CHP1: variants seen among roughly 807,000 people sequenced by gnomAD.
CHP1 encodes calcineurin B homologous protein 1.
In CHP1, 11 loss-of-function variants were observed where a neutral mutation model predicts 27.4. The observed-to-expected ratio is 0.40, with a 90% CI of 0.25 to 0.67. The LOEUF is 0.67. Among genes scored for constraint, CHP1 ranks in the 30% least tolerant of loss-of-function variants. CHP1 has a pLI of 0.38. For synonymous variants in CHP1, 89 were observed against 87.4 expected (o/e 1.02, Z -0.10); for missense variants, 169 against 251.3 (o/e 0.67, Z 2.22).
chr15:41,274,790 G>GTTTTTTT (rs34053067), intron 5 of CHP1, among the ~76,000 whole-genome samples: 7 of 120,716 alleles, frequency 5.8e-5, no homozygotes, highest in African/African-American at 6.2e-5. Context: ...CATTGTCTTT[G>GTTTTTTT]TTTTTTTTTT....
At chr15:41,237,495 TTTTG>T (rs1307816527) in intron 1 of CHP1, among the ~76,000 whole-genome samples, 3 of 152,182 alleles carry the variant, frequency 2.0e-5, no homozygotes, top group Non-Finnish European at 2.9e-5. Context: ...AGAAGATAGA[TTTTG>T]TTTGTTTTAT....
At chr15:41,245,648 C>A (rs2047331022) in intron 2 of CHP1, among the ~76,000 whole-genome samples, 1 of 152,104 alleles carries the variant, frequency 6.6e-6, no homozygotes, top group Non-Finnish European at 1.5e-5. Flanking sequence ...TGAGTTTACA[C>A]CTTTTGAGTA....
At chr15:41,275,023 C>T (rs193000011) in intron 5 of CHP1, among the ~76,000 whole-genome samples, 9 of 152,078 alleles carry the variant, frequency 5.9e-5, no homozygotes, top group Non-Finnish European at 1.3e-4. Flanking sequence ...CTCCTGACCT[C>T]GTCATCCACC....
At position 41,273,766 on chromosome 15, in the gene CHP1, C is replaced by A. The variant is rs569969576; in HGVS notation, c.411+3148C>A. ...AATCGATAAAGAATATATATATAAA[C>A]CCTCACCAAACATTAAAAATAATAG... On this transcript the variant is annotated intron_variant, in intron 5 of 6. Transcript: ENST00000334660. Among the ~76,000 whole-genome samples the A allele has an allele frequency of 2.8e-3, 429 of 150,838 alleles. 3 individuals are homozygous for A. The highest frequency in any genetic ancestry group is 1.0e-2 in the African/African-American group (411 of 41,164).
intron 3 of CHP1, among the ~76,000 whole-genome samples, chr15:41,262,221 A>AAAAT (rs570131530): frequency 2.0e-5 from 3 of 152,014 alleles, no homozygotes; most frequent in Non-Finnish European, 2.9e-5. Context: ...ACTCTGTCTC[A>AAAAT]AAATAAATAA....
At chr15:41,269,245 A>T (rs1056770870) in intron 4 of CHP1, among the ~76,000 whole-genome samples, 3 of 151,616 alleles carry the variant, frequency 2.0e-5, no homozygotes, top group Non-Finnish European at 4.4e-5. Context: ...ACCAAATTAA[A>T]CAGAGCAGAA....
intron 5 of CHP1, among the ~76,000 whole-genome samples, chr15:41,275,147 TC>T (rs1026511725): frequency 1.3e-5 from 2 of 152,002 alleles, no homozygotes; most frequent in African/African-American, 2.4e-5. Context: ...ATGTACAACT[TC>T]CAATTTTCTT....
At chr15:41,262,169 A>C (rs1279825548) in intron 3 of CHP1, among the ~76,000 whole-genome samples, 1 of 152,122 alleles carries the variant, frequency 6.6e-6, no homozygotes, top group African/African-American at 2.4e-5. Context: ...TCTCAAAATA[A>C]ATAAATAAAG....
At chr15:41,270,440 C>T in intron 4 of CHP1, 117 bp from the exon 5 acceptor site, 3 of 748,574 alleles carry the variant, frequency 4.0e-6, no homozygotes, top group Non-Finnish European at 6.9e-6. Context: ...GGCAATTGTT[C>T]TTGGAAAATC....
intron 1 of CHP1, among the ~76,000 whole-genome samples, chr15:41,239,977 C>T (rs925969371): frequency 2.6e-5 from 4 of 151,776 alleles, no homozygotes; most frequent in Non-Finnish European, 4.4e-5. Context: ...AGGGTTTCAC[C>T]GTGTTAGCCA....
chr15:41,248,420 GTTATTTTTATT>G (rs2047347323), intron 2 of CHP1, among the ~76,000 whole-genome samples: 1 of 152,056 alleles, frequency 6.6e-6, no homozygotes, highest in Non-Finnish European at 1.5e-5. Flanking sequence ...TGCTTCTCCT[GTTATTTTTATT>G]TTATTTTCAT....
rs1431393634 is a variant in CHP1, at chr15:41,281,083, TC to T, written c.*1696del. ...CATGTTGGCCAGGTTGGTCTTGAAC[TC>T]CTGACCTCAGGTGATCCTCCTGCCT... is the stretch of plus-strand genomic sequence containing the variant. On this transcript the variant is annotated 3_prime_UTR_variant, in exon 7 of 7. Transcript: ENST00000334660. 1 of 151,992 alleles carries T rather than the reference TC, an allele frequency of 6.6e-6. No homozygotes were observed. Among genetic ancestry groups the T allele is most frequent in the African/African-American group, 2.4e-5 (1 of 41,322 alleles). 9.4% of individuals were successfully genotyped at this position (151,992 alleles called of 1,614,324 possible).
At chr15:41,249,180 T>C (rs1324084490) in intron 2 of CHP1, among the ~76,000 whole-genome samples, 5 of 152,124 alleles carry the variant, frequency 3.3e-5, no homozygotes, top group Non-Finnish European at 5.9e-5. Flanking sequence ...CCACCTTCTT[T>C]TTTTGGTTTT....
chr15:41,254,132 C>T (rs761429504), intron 2 of CHP1, among the ~76,000 whole-genome samples: 2 of 151,990 alleles, frequency 1.3e-5, no homozygotes, highest in Non-Finnish European at 2.9e-5. Flanking sequence ...CAATACTGTC[C>T]TTGATCTGGG....
intron 2 of CHP1, among the ~76,000 whole-genome samples, chr15:41,256,079 A>C (rs1015589178): frequency 1.3e-5 from 2 of 152,184 alleles, no homozygotes; most frequent in East Asian, 3.9e-4. Flanking sequence ...ACTTTGACTT[A>C]CAGACTTAGA....
chr15:41,242,213 C>G (rs1248931867), intron 1 of CHP1, among the ~76,000 whole-genome samples: 2 of 152,132 alleles, frequency 1.3e-5, no homozygotes, highest in Non-Finnish European at 2.9e-5. Context: ...TTCCTGGGAA[C>G]TCAGTGAAGC....
chr15:41,275,967 G>A (rs1192313098), intron 5 of CHP1, among the ~76,000 whole-genome samples: 5 of 152,146 alleles, frequency 3.3e-5, no homozygotes, highest in Non-Finnish European at 5.9e-5. Flanking sequence ...CAGGCCGGGC[G>A]CAGTGGCTCA....
chr15:41,242,017 C>T (rs1249568608), intron 1 of CHP1, among the ~76,000 whole-genome samples: 1 of 152,136 alleles, frequency 6.6e-6, no homozygotes, highest in Non-Finnish European at 1.5e-5. Flanking sequence ...CCCAGAAAGG[C>T]CTTTTTGAGT....
At chr15:41,237,032 C>T (rs1344261990) in intron 1 of CHP1, among the ~76,000 whole-genome samples, 153 of 150,074 alleles carry the variant, frequency 1.0e-3, no homozygotes, top group African/African-American at 3.6e-3. Flanking sequence ...GGTTTCGCCA[C>T]GTTGGCCAGG....
Sources: gnomAD v4.1 joint callset for allele counts (sites outside exome capture counted in the v4.1 genomes callset) on GRCh38, gnomAD v4.1.1 for gene constraint, MANE v1.5 for transcripts, NCBI Gene and HGNC (gene_info 2026-07-23, HGNC 2026-07-21) for gene names.